Variants in RAB28 observed in about 807,000 individuals in gnomAD.
RAB28 encodes the protein RAB28, member RAS oncogene family.
A neutral mutation model predicts 31.7 loss-of-function variants in RAB28; 24 were observed. The observed-to-expected ratio is 0.76, with a 90% CI of 0.55 to 1.06. RAB28 has a LOEUF of 1.06. Among genes scored for constraint, RAB28 ranks in the 50% least tolerant of loss-of-function variants. The probability of loss-of-function intolerance (pLI) is 0.00; values close to 1 mark genes in which losing one functional copy is unlikely to be tolerated. For missense variants in RAB28, 254 were observed against 258.5 expected (o/e 0.98, Z 0.12); for synonymous variants, 100 against 90.4 (o/e 1.11, Z -0.60).
At chr4:13,474,131 A>C in intron 3 of RAB28, 187 bp downstream of exon 3, 1 of 728,090 alleles carries the variant, frequency 1.4e-6, no homozygotes. Context: ...CCCTCACCCA[A>C]ATCACTCCAA....
intron 4 of RAB28, among the ~76,000 whole-genome samples, chr4:13,383,545 A>C (rs1161922002): frequency 6.6e-6 from 1 of 152,110 alleles, no homozygotes; most frequent in Non-Finnish European, 1.5e-5. Flanking sequence ...TGTGGCAGGT[A>C]GTGATATGGT....
At chr4:13,464,404 G>A (rs1263321912) in intron 3 of RAB28, among the ~76,000 whole-genome samples, 2 of 152,210 alleles carry the variant, frequency 1.3e-5, no homozygotes, top group African/African-American at 4.8e-5. Context: ...CCCAACTCCA[G>A]CCCCCTGTAG....
At chr4:13,458,445 G>A (rs1715419159) in intron 4 of RAB28, among the ~76,000 whole-genome samples, 1 of 151,682 alleles carries the variant, frequency 6.6e-6, no homozygotes, top group South Asian at 2.1e-4. Context: ...AAAGACCTTT[G>A]GAAAAGATAA....
chr4:13,404,618 G>T (rs1711965537), intron 4 of RAB28, among the ~76,000 whole-genome samples: 1 of 152,018 alleles, frequency 6.6e-6, no homozygotes, highest in East Asian at 1.9e-4. Context: ...TTCAAACCTA[G>T]AAATATTCTA....
At chr4:13,387,136 T>G (rs1277406127) in intron 4 of RAB28, among the ~76,000 whole-genome samples, 3 of 151,990 alleles carry the variant, frequency 2.0e-5, no homozygotes, top group South Asian at 2.1e-4. Flanking sequence ...GAAAAAGAAC[T>G]AATAGGTACT....
intron 4 of RAB28, among the ~76,000 whole-genome samples, chr4:13,382,654 C>T (rs1245567524): frequency 1.0e-4 from 15 of 149,858 alleles, no homozygotes; most frequent in African/African-American, 3.7e-4. Flanking sequence ...TGGGGTATTC[C>T]TGAGCCCCAT....
chr4:13,421,453 T>A (rs1314799298), intron 4 of RAB28, among the ~76,000 whole-genome samples: 2 of 152,034 alleles, frequency 1.3e-5, no homozygotes, highest in African/African-American at 4.8e-5. Context: ...GCCAAGACAA[T>A]CCTAAGCAAA....
chr4:13,431,610 C>T (rs1713809533), intron 4 of RAB28, among the ~76,000 whole-genome samples: 1 of 152,016 alleles, frequency 6.6e-6, no homozygotes, highest in Non-Finnish European at 1.5e-5. Context: ...TGTGTCAGCC[C>T]TTATATCCAA....
intron 4 of RAB28, among the ~76,000 whole-genome samples, chr4:13,400,598 G>T (rs1711694340): frequency 6.6e-6 from 1 of 152,032 alleles, no homozygotes; most frequent in Non-Finnish European, 1.5e-5. Flanking sequence ...AAATAGTGTT[G>T]AATAGGAGAG....
intron 4 of RAB28, among the ~76,000 whole-genome samples, chr4:13,440,871 A>G (rs1218498413): frequency 6.6e-6 from 1 of 152,072 alleles, no homozygotes; most frequent in Admixed American, 6.6e-5. Flanking sequence ...AAAAAAAAAC[A>G]TGAGAAGACA....
chr4:13,426,805 T>C (rs1713522358), intron 4 of RAB28, among the ~76,000 whole-genome samples: 1 of 152,198 alleles, frequency 6.6e-6, no homozygotes, highest in Non-Finnish European at 1.5e-5. Flanking sequence ...TTCAAAATAT[T>C]TTACTATTAG....
chr4:13,424,500 A>C (rs1713362225), intron 4 of RAB28, among the ~76,000 whole-genome samples: 1 of 152,152 alleles, frequency 6.6e-6, no homozygotes, highest in East Asian at 1.9e-4. Flanking sequence ...ACCTCATCTT[A>C]ACTTGATTAC....
chr4:13,387,386 G>T (rs1288119049), intron 4 of RAB28, among the ~76,000 whole-genome samples: 1 of 152,042 alleles, frequency 6.6e-6, no homozygotes, highest in Non-Finnish European at 1.5e-5. Context: ...AAATTGTGAA[G>T]CCTATTTTAC....
intron 4 of RAB28, among the ~76,000 whole-genome samples, chr4:13,386,578 T>C (rs1729378193): frequency 6.6e-6 from 1 of 151,854 alleles, no homozygotes. Flanking sequence ...CTAGTCAGAA[T>C]GGAAAAACCC....
intron 4 of RAB28, among the ~76,000 whole-genome samples, chr4:13,427,564 G>A (rs747534405): frequency 2.8e-4 from 43 of 151,832 alleles, no homozygotes; most frequent in South Asian, 1.0e-3. Flanking sequence ...ATTGTGCAGC[G>A]CAAATTACCA....
At chr4:13,473,061 A>G (rs775304780) in intron 3 of RAB28, among the ~76,000 whole-genome samples, 1 of 151,724 alleles carries the variant, frequency 6.6e-6, no homozygotes, top group Non-Finnish European at 1.5e-5. Context: ...TGGGGCCTTT[A>G]TAAGTGATTC....
intron 1 of RAB28, among the ~76,000 whole-genome samples, chr4:13,480,885 A>G (rs1340967194): frequency 6.6e-6 from 1 of 151,916 alleles, no homozygotes; most frequent in Admixed American, 6.6e-5. Context: ...TCTCATCTAC[A>G]CTATATTATT....
At chr4:13,369,922 T>G in intron 6 of RAB28, 1 of 1,612,678 alleles carries the variant, frequency 6.2e-7, no homozygotes, top group Non-Finnish European at 8.5e-7. Context: ...GGTATGTTGA[T>G]TTTCTTCTTC....
intron 4 of RAB28, among the ~76,000 whole-genome samples, chr4:13,392,349 C>G (rs1729676051): frequency 6.6e-6 from 1 of 152,082 alleles, no homozygotes; most frequent in East Asian, 1.9e-4. Context: ...AATGTCCTAA[C>G]AGTAAAATTT....
Sources: allele counts gnomAD v4.1 joint callset (sites outside exome capture counted in the v4.1 genomes callset), GRCh38; gene constraint gnomAD v4.1.1; transcripts MANE v1.5; gene names NCBI Gene and HGNC (gene_info 2026-07-23, HGNC 2026-07-21).